The following TRIM46 variants were observed in gnomAD, a reference collection of about 807,000 sequenced individuals.
The protein encoded by TRIM46 is tripartite motif-containing protein 46.
Under a neutral mutation model 69.7 loss-of-function variants are expected in TRIM46, and 17 were observed. The ratio of observed to expected loss-of-function variants is 0.24; its 90% CI spans 0.17 to 0.37. The LOEUF is 0.37. Among genes scored for constraint, TRIM46 ranks in the 10% least tolerant of loss-of-function variants. TRIM46 has a pLI of 1.00. For synonymous variants in TRIM46, 391 were observed against 429.0 expected, an observed-to-expected ratio of 0.91 and a Z score of 1.09; for missense variants, 675 against 1,025.1, an observed-to-expected ratio of 0.66 and a Z score of 4.66.
At chr1:155,177,392 A>G in intron 5 of TRIM46, 102 bp downstream of exon 5, 1 of 1,054,646 alleles carries the variant, frequency 9.5e-7, no homozygotes, top group Non-Finnish European at 1.5e-6. Flanking sequence ...CTAGCTCAGG[A>G]AGCCCGTGAG....
In TRIM46 at chr1:155,175,356, C is replaced by A; in HGVS notation, c.64-30C>A. ...GCTGAGGTATGCCTAAGTGTCCAAGCGCTGACCTAGCCTCCTGGTCCCTCC... is the reference window on the plus strand; with the variant it reads ...GCTGAGGTATGCCTAAGTGTCCAAGAGCTGACCTAGCCTCCTGGTCCCTCC... On this transcript the variant is annotated intron_variant, in intron 1 of 9. Coordinates refer to ENST00000334634, the MANE Select transcript of TRIM46 (RefSeq NM_025058.5). The surrounding 1 kb of genome is among the most constrained non-coding windows in gnomAD (Gnocchi z 4.2). The A allele has an allele frequency of 3.7e-6, 6 of 1,611,988 alleles. No homozygotes were observed. Among genetic ancestry groups the A allele is most frequent in the Non-Finnish European group, 4.2e-6 (5 of 1,179,224 alleles).
intron 5 of TRIM46, among the ~76,000 whole-genome samples, chr1:155,177,525 A>ATAGCTCAAAAAACCCCACGCG (rs973808035): frequency 6.6e-6 from 1 of 151,444 alleles, no homozygotes; most frequent in African/African-American, 2.4e-5. Context: ...AACCCCATGC[A>ATAGCTCAAAAAACCCCACGCG]TAGCTCAAAA....
intron 1 of TRIM46, chr1:155,174,787 C>T: frequency 2.1e-6 from 3 of 1,455,580 alleles, no homozygotes; most frequent in East Asian, 2.6e-5. Context: ...GACCGGGTTG[C>T]GCTGCGGGAG....
In TRIM46 at chr1:155,175,259, T is replaced by A. The variant is rs950535611; in HGVS notation, c.64-127T>A. ...GTGAACCAGCCCAAGGCAGGTGCTC[T>A]GGAAAAGCTGCAGGTAGCTTGTCTT... On this transcript the variant is annotated intron_variant, in intron 1 of 9. Transcript: ENST00000334634. This position sits in a 1 kb window ranked among gnomAD's most constrained non-coding sequence, Gnocchi z 4.2. 7.1e-6 allele frequency: 11 copies of A among 1,539,100 alleles called. No individual in the cohort carries two copies. Among genetic ancestry groups the A allele is most frequent in the Admixed American group, 2.2e-5 (1 of 45,348 alleles).
At chr1:155,180,406 C>T (rs1470687813) in intron 8 of TRIM46, 1 of 365,312 alleles carries the variant, frequency 2.7e-6, no homozygotes, top group Non-Finnish European at 4.9e-6. Context: ...ACCAGCCTGG[C>T]CAACATGGTG....
Position 155,175,116 on chromosome 1 carries a change from G to T in TRIM46, c.64-270G>T, listed in dbSNP as rs1665533097. ...GCTGCCAGCTGGGGCTACTGCAGCT[G>T]GAGAAATGGGGATTGGGCTTGAGGC... On this transcript the variant is annotated intron_variant, in intron 1 of 9. Coordinates refer to ENST00000334634, the MANE Select transcript of TRIM46 (RefSeq NM_025058.5). The surrounding 1 kb of genome is among the most constrained non-coding windows in gnomAD (Gnocchi z 4.2). 4 of 1,372,524 alleles carry T rather than the reference G, an allele frequency of 2.9e-6. No homozygotes were observed. The highest frequency in any genetic ancestry group is 3.8e-6 in the Non-Finnish European group (4 of 1,065,268). The allele number at this position is 1,372,524 out of a possible 1,614,324, so 85.0% of individuals were successfully genotyped here. A position where few individuals can be genotyped will look rare whatever the true frequency, so the allele number is the denominator to read the frequency against.
rs1266334394 is a variant in TRIM46, at chr1:155,177,134, C to G, written c.813+59C>G. ...CTCACACTCTTACCCTCTTGCACCT[C>G]CTCCCAACTGCTGGCTTCTGCAGAG... is the stretch of plus-strand genomic sequence containing the variant. On this transcript the variant is annotated intron_variant, in intron 4 of 9. Transcript: ENST00000334634. 8.7e-6 allele frequency: 14 copies of G among 1,613,876 alleles called. No individual in the cohort carries two copies. The East Asian group carries it at 3.1e-4, about 36-fold the overall frequency.
chr1:155,178,420 A>G (rs1458775080), intron 6 of TRIM46, 72 bp from the exon 7 acceptor site: 1 of 1,605,220 alleles, frequency 6.2e-7, no homozygotes, highest in African/African-American at 1.3e-5. Flanking sequence ...TCTAGGGGCA[A>G]GCAAGACAGA....
chr1:155,183,178 G>A (rs1035810510), intron 9 of TRIM46, among the ~76,000 whole-genome samples: 1 of 151,812 alleles, frequency 6.6e-6, no homozygotes, highest in African/African-American at 2.4e-5. Context: ...CCAAAGTGCT[G>A]GGATTACAGG....
At chr1:155,174,569 C>T (rs1172279542) in intron 1 of TRIM46, 2 of 1,511,850 alleles carry the variant, frequency 1.3e-6, no homozygotes, top group East Asian at 2.5e-5. Flanking sequence ...CACTTCCTCC[C>T]CCCCTCCTTG....
At chr1:155,182,910 C>CCT (rs1666272941) in intron 9 of TRIM46, 3 of 128,288 alleles carry the variant, frequency 2.3e-5, no homozygotes, top group Non-Finnish European at 4.9e-5. Flanking sequence ...TCCCCAACTC[C>CCT]CTGTTTTTTT....
chr1:155,183,102 G>A (rs1027471903), intron 9 of TRIM46, among the ~76,000 whole-genome samples: 2 of 151,732 alleles, frequency 1.3e-5, no homozygotes, highest in Non-Finnish European at 2.9e-5. Flanking sequence ...AGTAGAGACG[G>A]GCTTTCACCG....
Position 155,176,018 on chromosome 1 carries a change from C to T in TRIM46, c.456C>T (p.Thr152=), listed in dbSNP as rs755860564. 1.2e-6 allele frequency: 2 copies of T among 1,614,084 alleles called. No individual in the cohort carries two copies. Among genetic ancestry groups the T allele is most frequent in the Non-Finnish European group, 1.7e-6 (2 of 1,180,006 alleles). The part of the protein sequence containing the change: ...RGLAGLFRNL[T]LERVVERYRQ... ...TGGCAGGGCTTTTCCGGAACCTGAC[C>T]CTGGAGCGTGTGGTGGAGCGGTACC... Residue 152 remains threonine, a synonymous_variant, in exon 3 of 10, where the codon ACC becomes ACT. Transcript: ENST00000334634.
intron 1 of TRIM46, chr1:155,174,540 C>T: frequency 3.4e-6 from 5 of 1,469,846 alleles, no homozygotes; most frequent in Non-Finnish European, 4.5e-6. Flanking sequence ...GGGGCGGTGC[C>T]AACCGTGTTC....
At position 155,183,905 on chromosome 1, in the gene TRIM46, G is replaced by A. The variant is rs760539341; in HGVS notation, c.1995G>A (p.Ser665=). The part of the protein sequence containing the change: ...TIGMGKILLG[S]GASSNAGLTG... Reference sequence around the variant, plus strand: ...GCATGGGCAAGATCCTGCTGGGGTCGGGGGCAAGCTCAAACGCAGGGCTGA... The same window carrying A: ...GCATGGGCAAGATCCTGCTGGGGTCAGGGGCAAGCTCAAACGCAGGGCTGA... The change falls in exon 10 of 10, where the codon TCG becomes TCA. Residue 665 remains serine (S), a synonymous_variant. Transcript: ENST00000334634. 40 of 1,613,514 alleles carry A rather than the reference G, an allele frequency of 2.5e-5. No individual in the cohort carries two copies. The highest frequency in any genetic ancestry group is 1.3e-4 in the South Asian group (12 of 91,078).
In TRIM46 at chr1:155,173,858, C is replaced by T. The variant is rs900013810; in HGVS notation, c.-109C>T. The T allele has an allele frequency of 4.1e-5, 47 of 1,159,308 alleles. No homozygotes were observed. The highest frequency in any genetic ancestry group is 6.1e-5 in the African/African-American group (4 of 65,850). 71.8% of individuals were successfully genotyped at this position (1,159,308 alleles called of 1,614,324 possible). ...GGTCCCGGGAGCATGCGCAGTGACA[C>T]CTCAACCCCCAGCCCTCCTCACACC... On this transcript the variant is annotated 5_prime_UTR_variant, in exon 1 of 10. Coordinates refer to ENST00000334634, the MANE Select transcript of TRIM46 (RefSeq NM_025058.5).
intron 7 of TRIM46, 126 bp downstream of exon 7, chr1:155,178,739 T>TTGGGG: frequency 2.6e-5 from 35 of 1,348,252 alleles, no homozygotes; most frequent in Non-Finnish European, 3.2e-5. Flanking sequence ...CAGCCATTCC[T>TTGGGG]CCCACCCAGC....
In TRIM46 at chr1:155,179,916, C is replaced by A; in HGVS notation, c.1570C>A (p.His524Asn). 6.3e-7 allele frequency: 1 copy of A among 1,579,658 alleles called. No individual in the cohort carries two copies. The highest frequency in any genetic ancestry group is 8.6e-7 in the Non-Finnish European group (1 of 1,157,862). The change falls in exon 8 of 10, where the codon CAC becomes AAC. Residue 524 changes from histidine to asparagine, a missense_variant. Physicochemically the swap from His to Asn is moderately conservative, Grantham distance 68 (BLOSUM62 1). Transcript: ENST00000334634. ...CGAATACAGTGAAGATGTGCACCTGCACACGCCCCCGGCACCTGGTGAGTG... is the reference window on the plus strand; with the variant it reads ...CGAATACAGTGAAGATGTGCACCTGAACACGCCCCCGGCACCTGGTGAGTG... Reference protein sequence around the residue: ...YGEYSEDVHLHTPPAPVLHFF... With the variant: ...YGEYSEDVHLNTPPAPVLHFF...
At position 155,181,840 on chromosome 1, in the gene TRIM46, C is replaced by T; in HGVS notation, c.1589-12C>T. On this transcript the variant is annotated splice_polypyrimidine_tract_variant and intron_variant, in intron 8 of 9. Coordinates refer to ENST00000334634, the MANE Select transcript of TRIM46 (RefSeq NM_025058.5). The surrounding 1 kb of genome is among the most constrained non-coding windows in gnomAD (Gnocchi z 4.3). The stretch of plus-strand genomic sequence containing the variant: ...AGTTCTTGCTCCATCTCAACCCTCT[C>T]CCTCCTTCCAGTCCTGCACTTCTTC... 6.2e-7 allele frequency: 1 copy of T among 1,602,392 alleles called. No individual in the cohort carries two copies. Among genetic ancestry groups the T allele is most frequent in the East Asian group, 2.2e-5 (1 of 44,622 alleles).
Sources: allele counts gnomAD v4.1 joint callset (sites outside exome capture counted in the v4.1 genomes callset), GRCh38; gene constraint gnomAD v4.1.1; non-coding constraint Gnocchi (gnomAD v3.1); transcripts MANE v1.5; gene names NCBI Gene and HGNC (gene_info 2026-07-23, HGNC 2026-07-21).